The following UBTD1 variants were observed in gnomAD, a reference collection of about 807,000 sequenced individuals.
UBTD1 encodes the protein ubiquitin domain-containing protein 1.
A neutral mutation model predicts 21.7 loss-of-function variants in UBTD1; 19 were observed. The observed-to-expected ratio is 0.87, with a 90% CI of 0.61 to 1.28. The LOEUF is 1.28. Ranked by LOEUF, UBTD1 falls within the 50% of genes most tolerant of loss-of-function variation. The probability of loss-of-function intolerance (pLI) is 0.00; values close to 1 mark genes in which losing one functional copy is unlikely to be tolerated. For synonymous variants in UBTD1, 116 were observed against 135.1 expected (o/e 0.86, Z 0.98); for missense variants, 282 against 315.1 (o/e 0.89, Z 0.80).
chr10:97,545,170 TA>T (rs2040603102), intron 1 of UBTD1, among the ~76,000 whole-genome samples: 1 of 148,880 alleles, frequency 6.7e-6, no homozygotes, highest in Admixed American at 6.7e-5. Flanking sequence ...CCATCTCTAC[TA>T]AAAATACAAA....
At chr10:97,532,509 G>A (rs1216953041) in intron 1 of UBTD1, among the ~76,000 whole-genome samples, 1 of 152,064 alleles carries the variant, frequency 6.6e-6, no homozygotes, top group Non-Finnish European at 1.5e-5. Context: ...TTAGCCAGGC[G>A]AGGCTAGTGC....
intron 2 of UBTD1, among the ~76,000 whole-genome samples, chr10:97,569,378 A>G (rs940223268): frequency 6.6e-6 from 1 of 152,220 alleles, no homozygotes; most frequent in African/African-American, 2.4e-5. Context: ...GAGCTGTGCT[A>G]TTTCATTCAT....
At chr10:97,522,430 T>C (rs1362612907) in intron 1 of UBTD1, among the ~76,000 whole-genome samples, 1 of 152,216 alleles carries the variant, frequency 6.6e-6, no homozygotes, top group Non-Finnish European at 1.5e-5. Context: ...CACTCACTGG[T>C]TCTGCCTGAG....
At chr10:97,548,177 A>G (rs1336335919) in intron 1 of UBTD1, among the ~76,000 whole-genome samples, 1 of 152,238 alleles carries the variant, frequency 6.6e-6, no homozygotes, top group Non-Finnish European at 1.5e-5. Context: ...GTGAGTAGCC[A>G]GATTGCAGAG....
At chr10:97,559,648 C>T (rs2040683645) in intron 1 of UBTD1, among the ~76,000 whole-genome samples, 1 of 151,996 alleles carries the variant, frequency 6.6e-6, no homozygotes, top group Middle Eastern at 3.2e-3. Context: ...ACATATTTAT[C>T]CAATTTTTCA....
chr10:97,508,461 C>T (rs2040408278), intron 1 of UBTD1, among the ~76,000 whole-genome samples: 1 of 152,144 alleles, frequency 6.6e-6, no homozygotes, highest in Non-Finnish European at 1.5e-5. Context: ...AGCTGATGGC[C>T]AGGAAAATGA....
intron 1 of UBTD1, among the ~76,000 whole-genome samples, chr10:97,552,047 G>T (rs1057332261): frequency 1.1e-4 from 17 of 152,020 alleles, no homozygotes; most frequent in African/African-American, 3.6e-4. Context: ...AAAGTGCGGG[G>T]GTTATAGGTG....
intron 1 of UBTD1, among the ~76,000 whole-genome samples, chr10:97,499,727 A>G (rs1018431181): frequency 6.6e-6 from 1 of 152,190 alleles, no homozygotes; most frequent in African/African-American, 2.4e-5. Flanking sequence ...ATCGAGCTGC[A>G]GATCGTGTCT....
At chr10:97,517,868 G>A (rs913917925) in intron 1 of UBTD1, among the ~76,000 whole-genome samples, 16 of 152,176 alleles carry the variant, frequency 1.1e-4, no homozygotes, top group African/African-American at 3.9e-4. Flanking sequence ...CCCTGGTGGT[G>A]CTGTGTGTGT....
chr10:97,513,545 A>G (rs975022606), intron 1 of UBTD1, among the ~76,000 whole-genome samples: 26 of 152,094 alleles, frequency 1.7e-4, no homozygotes, highest in Non-Finnish European at 1.5e-5. Context: ...AGGGTTAGTG[A>G]TTTGAGGAAG....
chr10:97,553,422 C>T (rs1308886655), intron 1 of UBTD1, among the ~76,000 whole-genome samples: 1 of 152,228 alleles, frequency 6.6e-6, no homozygotes, highest in South Asian at 2.1e-4. Flanking sequence ...TGAGCCACCG[C>T]GGCCAGCCAA....
At chr10:97,511,914 G>A (rs142306185) in intron 1 of UBTD1, among the ~76,000 whole-genome samples, 5 of 152,314 alleles carry the variant, frequency 3.3e-5, no homozygotes, top group African/African-American at 1.2e-4. Context: ...GGAAACTGAG[G>A]CTGTGGGGGG....
intron 2 of UBTD1, among the ~76,000 whole-genome samples, 188 bp downstream of exon 2, chr10:97,568,329 C>T (rs1304442379): frequency 1.3e-5 from 2 of 152,194 alleles, no homozygotes; most frequent in African/African-American, 4.8e-5. Flanking sequence ...CTATGCTTGC[C>T]TAATGACATG....
intron 1 of UBTD1, among the ~76,000 whole-genome samples, chr10:97,551,187 C>T (rs1349508630): frequency 6.6e-6 from 1 of 152,172 alleles, no homozygotes; most frequent in Admixed American, 6.5e-5. Context: ...GTTTCGACAA[C>T]TCTTTGGGAC....
chr10:97,498,930 G>A lies in UBTD1; in HGVS notation c.-274G>A. 1 of 411,878 alleles carries A rather than the reference G, an allele frequency of 2.4e-6. No individual in the cohort carries two copies. Among genetic ancestry groups the A allele is most frequent in the Non-Finnish European group, 4.3e-6 (1 of 232,988 alleles). The allele number at this position is 411,878 out of a possible 1,614,324, so 25.5% of individuals were successfully genotyped here. On this transcript the variant is annotated 5_prime_UTR_variant, in exon 1 of 3. Transcript: ENST00000370664. ...GCGGCGGTGCCCGCCCCCTCTCTCC[G>A]CCCCTCCAGCGGAGCTGGTCTCCGG...
intron 1 of UBTD1, among the ~76,000 whole-genome samples, chr10:97,503,840 T>G (rs958581188): frequency 2.6e-5 from 4 of 152,158 alleles, no homozygotes; most frequent in African/African-American, 7.2e-5. Context: ...TTATGTAGTA[T>G]TATATATGCT....
chr10:97,519,604 G>C (rs1476868518), intron 1 of UBTD1, among the ~76,000 whole-genome samples: 2 of 152,174 alleles, frequency 1.3e-5, no homozygotes, highest in Admixed American at 1.3e-4. Flanking sequence ...GGGGATTGGG[G>C]CAAGTGTGAA....
At chr10:97,528,148 G>A (rs1160475227) in intron 1 of UBTD1, among the ~76,000 whole-genome samples, 10 of 123,366 alleles carry the variant, frequency 8.1e-5, no homozygotes, top group African/African-American at 1.8e-4. Flanking sequence ...CCTCCCTCCC[G>A]GACGGGGCGG....
intron 1 of UBTD1, among the ~76,000 whole-genome samples, chr10:97,550,432 G>A (rs1051593325): frequency 6.6e-6 from 1 of 152,110 alleles, no homozygotes; most frequent in Non-Finnish European, 1.5e-5. Flanking sequence ...ACCATCTCCT[G>A]GGGTCTGAGA....
Sources: allele counts gnomAD v4.1 joint callset (sites outside exome capture counted in the v4.1 genomes callset), GRCh38; gene constraint gnomAD v4.1.1; transcripts MANE v1.5; gene names NCBI Gene and HGNC (gene_info 2026-07-23, HGNC 2026-07-21).